Variants in GRIN2B observed in about 807,000 individuals in gnomAD.
GRIN2B encodes glutamate ionotropic receptor NMDA type subunit 2B.
Under a neutral mutation model 114.5 loss-of-function variants are expected in GRIN2B, and 5 were observed. The ratio of observed to expected loss-of-function variants is 0.04; its 90% CI spans 0.02 to 0.09. The LOEUF (loss-of-function observed/expected upper bound fraction) is 0.09, where lower values mean the gene tolerates loss of function less well. GRIN2B is among the 10% of genes least tolerant of loss of function. The pLI is 1.00. For missense variants in GRIN2B, 1,108 were observed against 1,943.5 expected, an observed-to-expected ratio of 0.57 and a Z score of 8.08; for synonymous variants, 787 against 745.1, an observed-to-expected ratio of 1.06 and a Z score of -0.92.
intron 4 of GRIN2B, among the ~76,000 whole-genome samples, chr12:13,679,841 C>T (rs1417210274): frequency 6.6e-6 from 1 of 152,146 alleles, no homozygotes; most frequent in East Asian, 1.9e-4. Context: ...ACCTGAATCT[C>T]AGTTATTCTT....
chr12:13,753,814 G>T lies in GRIN2B; in HGVS notation c.513C>A (p.Ile171=), dbSNP rs3026183. ...MEEYDWYIFS[I]VTTYFPGYQD... is the part of the protein sequence containing the mutation. ...GGTAGCCAGGGAAATAGGTGGTGAC[G>T]ATAGAAAAGATGTACCAGTCATATT... The change falls in exon 4 of 14, where the codon ATC becomes ATA. Residue 171 remains isoleucine, a synonymous_variant. Coordinates refer to ENST00000609686, the MANE Select transcript of GRIN2B (RefSeq NM_000834.5). This position sits in a 1 kb window ranked among gnomAD's most constrained non-coding sequence, Gnocchi z 6.2. The T allele has an allele frequency of 2.5e-6, 4 of 1,613,440 alleles. No homozygotes were observed. Among genetic ancestry groups the T allele is most frequent in the Non-Finnish European group, 3.4e-6 (4 of 1,179,514 alleles).
At chr12:13,879,739 G>A (rs1866043173) in intron 2 of GRIN2B, among the ~76,000 whole-genome samples, 1 of 152,236 alleles carries the variant, frequency 6.6e-6, no homozygotes, top group Non-Finnish European at 1.5e-5. Flanking sequence ...GGCCGGTACA[G>A]TCAGTGCCTC....
chr12:13,796,855 T>C (rs891251206), intron 3 of GRIN2B, among the ~76,000 whole-genome samples: 2 of 152,132 alleles, frequency 1.3e-5, no homozygotes, highest in African/African-American at 4.8e-5. Context: ...GGTGGCAAAA[T>C]TGGTACCAGA....
chr12:13,951,399 A>C (rs1200229920), intron 2 of GRIN2B, among the ~76,000 whole-genome samples: 4 of 152,156 alleles, frequency 2.6e-5, no homozygotes, highest in Admixed American at 1.3e-4. Context: ...GGAACCCTGC[A>C]GCCTGAATAA....
At chr12:13,945,156 T>A (rs183309641) in intron 2 of GRIN2B, among the ~76,000 whole-genome samples, 1 of 152,260 alleles carries the variant, frequency 6.6e-6, no homozygotes, top group African/African-American at 2.4e-5. Context: ...CTAAACAAAT[T>A]GTGGCAGGCC....
At chr12:13,692,418 G>A (rs1950222251) in intron 4 of GRIN2B, among the ~76,000 whole-genome samples, 1 of 152,048 alleles carries the variant, frequency 6.6e-6, no homozygotes, top group Admixed American at 6.6e-5. Context: ...TGTTCAATTT[G>A]TTTCCTTACA....
intron 3 of GRIN2B, among the ~76,000 whole-genome samples, chr12:13,825,553 G>A (rs536630620): frequency 7.7e-6 from 1 of 129,586 alleles, no homozygotes; most frequent in East Asian, 2.4e-4. Context: ...TTTTGCTCTT[G>A]TAGCCCAGGC....
intron 10 of GRIN2B, among the ~76,000 whole-genome samples, chr12:13,587,249 C>T (rs1948939510): frequency 6.6e-6 from 1 of 151,940 alleles, no homozygotes; most frequent in Admixed American, 6.6e-5. Context: ...CCCTGGAAAC[C>T]CTTGTCTTTA....
chr12:13,581,883 CT>C (rs1439082648), intron 10 of GRIN2B, among the ~76,000 whole-genome samples: 1 of 140,680 alleles, frequency 7.1e-6, no homozygotes, highest in African/African-American at 2.7e-5. Flanking sequence ...GCACTCCACC[CT>C]GGGTGACAGA....
intron 2 of GRIN2B, among the ~76,000 whole-genome samples, chr12:13,872,705 CAAAT>C (rs1369399848): frequency 1.3e-5 from 2 of 152,002 alleles, no homozygotes; most frequent in Non-Finnish European, 2.9e-5. Context: ...TTAAAACAAA[CAAAT>C]AAAACATCAC....
intron 10 of GRIN2B, among the ~76,000 whole-genome samples, chr12:13,598,707 G>A (rs1276127936): frequency 1.3e-5 from 2 of 151,854 alleles, no homozygotes; most frequent in Non-Finnish European, 2.9e-5. Flanking sequence ...GCAGAGTAGT[G>A]CCACACAGGT....
chr12:13,897,388 A>G (rs1249178381), intron 2 of GRIN2B, among the ~76,000 whole-genome samples: 1 of 152,180 alleles, frequency 6.6e-6, no homozygotes, highest in Non-Finnish European at 1.5e-5. Context: ...ACCAATGAGC[A>G]GGCTCCAGGG....
chr12:13,948,584 G>T (rs1867411389), intron 2 of GRIN2B, among the ~76,000 whole-genome samples: 1 of 152,082 alleles, frequency 6.6e-6, no homozygotes, highest in Admixed American at 6.6e-5. Flanking sequence ...CAACACTGGT[G>T]ACTTAACAAA....
At chr12:13,743,617 G>T (rs1163702165) in intron 4 of GRIN2B, among the ~76,000 whole-genome samples, 1 of 151,522 alleles carries the variant, frequency 6.6e-6, no homozygotes, top group Non-Finnish European at 1.5e-5. Context: ...GAGGAAGAAA[G>T]TCAATGGGAG....
intron 4 of GRIN2B, among the ~76,000 whole-genome samples, chr12:13,720,286 A>G (rs962100204): frequency 7.9e-5 from 12 of 151,978 alleles, no homozygotes; most frequent in African/African-American, 1.7e-4. Context: ...TACATCCCCA[A>G]TACAAAATGG....
At chr12:13,934,739 C>T (rs1417166119) in intron 2 of GRIN2B, among the ~76,000 whole-genome samples, 1 of 144,192 alleles carries the variant, frequency 6.9e-6, no homozygotes, top group Non-Finnish European at 1.5e-5. Context: ...TGACGCCTGG[C>T]TTCCACTTGC....
chr12:13,714,925 A>G (rs1027679832), intron 4 of GRIN2B, among the ~76,000 whole-genome samples: 27 of 151,988 alleles, frequency 1.8e-4, no homozygotes, highest in African/African-American at 6.3e-4. Context: ...ACTCTGGGAA[A>G]TATGTGTTTA....
intron 4 of GRIN2B, among the ~76,000 whole-genome samples, chr12:13,734,668 G>T (rs1863149620): frequency 6.6e-6 from 1 of 152,176 alleles, no homozygotes; most frequent in Admixed American, 6.5e-5. Context: ...TCCTAGGGTG[G>T]ATACCATAAT....
intron 2 of GRIN2B, among the ~76,000 whole-genome samples, chr12:13,976,090 G>A (rs992055643): frequency 5.9e-5 from 9 of 152,228 alleles, no homozygotes; most frequent in Admixed American, 1.3e-4. Context: ...ATTAACAGCC[G>A]CAGGTGAACC....
Sources: gnomAD v4.1 joint callset for allele counts (sites outside exome capture counted in the v4.1 genomes callset) on GRCh38, gnomAD v4.1.1 for gene constraint, Gnocchi (gnomAD v3.1) non-coding constraint, MANE v1.5 for transcripts, NCBI Gene and HGNC (gene_info 2026-07-23, HGNC 2026-07-21) for gene names.